AGMO: variants seen among roughly 807,000 people sequenced by gnomAD.
AGMO encodes the protein alkylglycerol monooxygenase.
Under a neutral mutation model 60.2 loss-of-function variants are expected in AGMO, and 75 were observed. The ratio of observed to expected loss-of-function variants is 1.25; its 90% CI spans 1.03 to 1.51. The LOEUF (loss-of-function observed/expected upper bound fraction) is 1.51. AGMO is among the 40% of genes most tolerant of loss of function. AGMO has a pLI of 0.00. For missense variants in AGMO, 763 were observed against 525.5 expected, an observed-to-expected ratio of 1.45 and a Z score of -4.42; for synonymous variants, 261 against 177.1, an observed-to-expected ratio of 1.47 and a Z score of -3.76.
At chr7:15,229,548 C>A (rs1312889650) in intron 12 of AGMO, among the ~76,000 whole-genome samples, 1 of 149,148 alleles carries the variant, frequency 6.7e-6, no homozygotes, top group Non-Finnish European at 1.5e-5. Context: ...TGCCAAATAA[C>A]CCTTTGAAAA....
chr7:15,501,522 T>C (rs962128212), intron 3 of AGMO, among the ~76,000 whole-genome samples: 1 of 152,012 alleles, frequency 6.6e-6, no homozygotes, highest in African/African-American at 2.4e-5. Flanking sequence ...CCAATTGTTT[T>C]AATGACTGGT....
intron 6 of AGMO, among the ~76,000 whole-genome samples, chr7:15,391,947 C>T (rs192414749): frequency 1.3e-5 from 2 of 152,142 alleles, no homozygotes; most frequent in East Asian, 1.9e-4. Flanking sequence ...TCAATAGTGC[C>T]GACGTTGGGA....
intron 3 of AGMO, among the ~76,000 whole-genome samples, chr7:15,522,983 C>A (rs1784041766): frequency 6.6e-6 from 1 of 152,104 alleles, no homozygotes; most frequent in Non-Finnish European, 1.5e-5. Context: ...CTACAAAGAA[C>A]TTAAACAAAT....
intron 12 of AGMO, among the ~76,000 whole-genome samples, chr7:15,292,395 T>A (rs1180028700): frequency 1.3e-5 from 2 of 152,178 alleles, no homozygotes; most frequent in African/African-American, 2.4e-5. Context: ...GTGGGCTGAA[T>A]GGCTGACGCG....
intron 12 of AGMO, among the ~76,000 whole-genome samples, chr7:15,308,292 T>C (rs1583389728): frequency 6.6e-6 from 1 of 152,136 alleles, no homozygotes. Context: ...GTTATAAATT[T>C]GCATATTTTT....
chr7:15,485,063 C>T (rs560025646), intron 3 of AGMO, among the ~76,000 whole-genome samples: 51 of 146,800 alleles, frequency 3.5e-4, no homozygotes, highest in African/African-American at 1.2e-3. Context: ...TTTGGGAGGC[C>T]GAAGCGGGTG....
intron 12 of AGMO, among the ~76,000 whole-genome samples, chr7:15,213,485 A>G (rs921669568): frequency 6.6e-6 from 1 of 151,970 alleles, no homozygotes; most frequent in Non-Finnish European, 1.5e-5. Flanking sequence ...AGGAAAATTT[A>G]AATTTATAAT....
chr7:15,387,598 C>A, intron 8 of AGMO, 58 bp from the exon 9 acceptor site: 1 of 1,450,716 alleles, frequency 6.9e-7, no homozygotes, highest in Non-Finnish European at 9.4e-7. Context: ...AGATTAAATA[C>A]CAAAAGTTAT....
downstream of AGMO, chr7:15,200,183 T>C (rs1781238784): frequency 8.6e-6 from 1 of 116,800 alleles, no homozygotes; most frequent in South Asian, 2.9e-4. Context: ...ATTGGATAAA[T>C]GAAAAATAAA....
chr7:15,391,660 C>T (rs182155764), intron 6 of AGMO, among the ~76,000 whole-genome samples: 577 of 152,194 alleles, frequency 3.8e-3, no homozygotes, highest in Non-Finnish European at 6.3e-3. Context: ...TTTGAATGCA[C>T]AAATACAAAG....
chr7:15,159,600 A>T, the AGMO span, among the ~76,000 whole-genome samples: 1 of 152,208 alleles, frequency 6.6e-6, no homozygotes. Flanking sequence ...GAGTAAGCAC[A>T]ACATGAAAGA....
intron 3 of AGMO, among the ~76,000 whole-genome samples, chr7:15,465,633 A>T (rs886486987): frequency 3.4e-5 from 5 of 148,930 alleles, no homozygotes; most frequent in African/African-American, 1.2e-4. Context: ...TTTTTTAGAG[A>T]CAGGGTTTCC....
chr7:15,306,587 T>C (rs1363426641), intron 12 of AGMO: 3 of 429,952 alleles, frequency 7.0e-6, no homozygotes, highest in Non-Finnish European at 1.4e-5. Context: ...AAAAAAAGCA[T>C]TACAAAATAT....
intron 10 of AGMO, among the ~76,000 whole-genome samples, chr7:15,383,201 A>G (rs1000805181): frequency 2.0e-5 from 3 of 152,102 alleles, no homozygotes; most frequent in African/African-American, 7.2e-5. Flanking sequence ...GCAGTATTTT[A>G]CCTAGAGCAA....
chr7:15,372,639 A>G (rs1783265760), intron 10 of AGMO, among the ~76,000 whole-genome samples: 2 of 152,192 alleles, frequency 1.3e-5, no homozygotes, highest in Non-Finnish European at 2.9e-5. Flanking sequence ...CAAAAGAAAA[A>G]AAAATAGAAT....
intron 2 of AGMO, among the ~76,000 whole-genome samples, chr7:15,547,765 G>A (rs1251367327): frequency 6.6e-6 from 1 of 151,942 alleles, no homozygotes; most frequent in African/African-American, 2.4e-5. Flanking sequence ...GCCCGGGCTT[G>A]ATTAGGTAAA....
intron 12 of AGMO, among the ~76,000 whole-genome samples, chr7:15,234,347 A>C (rs972551353): frequency 6.6e-6 from 1 of 152,070 alleles, no homozygotes. Flanking sequence ...ATTTTTCTCT[A>C]TATCTTCCTC....
At chr7:15,210,063 G>T (rs1436953585) in intron 12 of AGMO, among the ~76,000 whole-genome samples, 1 of 151,970 alleles carries the variant, frequency 6.6e-6, no homozygotes, top group Admixed American at 6.6e-5. Flanking sequence ...TTAAAACAAA[G>T]ATTGTGAAAA....
At chr7:15,397,071 T>C (rs927538492) in intron 5 of AGMO, among the ~76,000 whole-genome samples, 2 of 152,112 alleles carry the variant, frequency 1.3e-5, no homozygotes, top group African/African-American at 4.8e-5. Context: ...GAAGCCCAGT[T>C]GGCTTCACCT....
Sources: gnomAD v4.1 joint callset for allele counts (sites outside exome capture counted in the v4.1 genomes callset) on GRCh38, gnomAD v4.1.1 for gene constraint, MANE v1.5 for transcripts, NCBI Gene and HGNC (gene_info 2026-07-23, HGNC 2026-07-21) for gene names.